Variants in LAMA1 observed in about 807,000 individuals in gnomAD.
LAMA1 encodes the protein laminin subunit alpha 1.
LAMA1 carries 219 observed loss-of-function variants against 348.7 expected under a neutral mutation model. The ratio of observed to expected loss-of-function variants is 0.63; its 90% CI spans 0.56 to 0.70. The LOEUF is 0.70. LAMA1 is among the 30% of genes least tolerant of loss of function. The pLI, the probability that LAMA1 is intolerant of heterozygous loss-of-function variation, is 0.00. For synonymous variants in LAMA1, 1,487 were observed against 1,491.0 expected (o/e 1.00, Z 0.06); for missense variants, 3,744 against 3,888.0 (o/e 0.96, Z 0.99).
intron 17 of LAMA1, among the ~76,000 whole-genome samples, chr18:7,025,151 G>C (rs1225380242): frequency 2.0e-5 from 3 of 152,138 alleles, no homozygotes; most frequent in Non-Finnish European, 4.4e-5. Context: ...TAAGCTGCTG[G>C]CCTGTGGGAT....
intron 3 of LAMA1, among the ~76,000 whole-genome samples, chr18:7,051,818 T>A (rs2058063219): frequency 6.6e-6 from 1 of 152,196 alleles, no homozygotes; most frequent in African/African-American, 2.4e-5. Context: ...TCTCATTCAT[T>A]TCTGGTGTGA....
intron 47 of LAMA1, 41 bp from the exon 48 acceptor site, chr18:6,972,022 T>C: frequency 6.2e-7 from 1 of 1,610,360 alleles, no homozygotes; most frequent in Non-Finnish European, 8.5e-7. Flanking sequence ...ATATATAAGC[T>C]GACCAAGCAA....
intron 36 of LAMA1, among the ~76,000 whole-genome samples, chr18:6,987,176 GAACACTTA>G (rs1221730386): frequency 6.6e-6 from 1 of 152,106 alleles, no homozygotes; most frequent in African/African-American, 2.4e-5. Flanking sequence ...GTGGGAATCC[GAACACTTA>G]AACTTTCTAA....
chr18:6,948,595 C>T, intron 59 of LAMA1, 39 bp from the exon 60 acceptor site: 1 of 1,613,194 alleles, frequency 6.2e-7, no homozygotes, highest in Non-Finnish European at 8.5e-7. Flanking sequence ...AGTGGTGATT[C>T]TAATGGGAAG....
chr18:7,013,634 A>G (rs1045845588), intron 23 of LAMA1, among the ~76,000 whole-genome samples, 181 bp downstream of exon 23: 23 of 152,170 alleles, frequency 1.5e-4, no homozygotes, highest in East Asian at 9.6e-4. Flanking sequence ...TAAAAATTCA[A>G]TTTCAAAAAT....
intron 56 of LAMA1, 191 bp downstream of exon 56, chr18:6,956,445 C>A (rs780013986): frequency 6.0e-6 from 5 of 838,668 alleles, no homozygotes; most frequent in Non-Finnish European, 1.0e-5. Context: ...TGGATTGGGC[C>A]GTGTCATCTG....
intron 25 of LAMA1, 125 bp downstream of exon 25, chr18:7,011,175 A>T: frequency 9.3e-7 from 1 of 1,080,316 alleles, no homozygotes; most frequent in Non-Finnish European, 1.4e-6. Flanking sequence ...CTCTGATCCC[A>T]CTTAAAAGAG....
chr18:6,954,958 CT>C, intron 57 of LAMA1: 2 of 327,790 alleles, frequency 6.1e-6, no homozygotes, highest in South Asian at 5.3e-5. Context: ...GGGTGTGGCA[CT>C]CGGGATTTTG....
In LAMA1 at chr18:6,948,413, A is replaced by G; in HGVS notation, c.8700T>C (p.Tyr2900=). The change falls in exon 60 of 63, where the codon TAT becomes TAC. Residue 2900 remains tyrosine, a synonymous_variant. Transcript: ENST00000389658. ...QEGTYFDGSG[Y]AALVKEGYKV... ...GTTGCTAACACATACCAAGAGCTGCATATCCGCTTCCGTCAAAGTATGTTC... is the reference window on the plus strand; with the variant it reads ...GTTGCTAACACATACCAAGAGCTGCGTATCCGCTTCCGTCAAAGTATGTTC... 6.2e-7 allele frequency: 1 copy of G among 1,614,236 alleles called. No individual in the cohort carries two copies. Among genetic ancestry groups the G allele is most frequent in the Non-Finnish European group, 8.5e-7 (1 of 1,180,036 alleles).
intron 3 of LAMA1, among the ~76,000 whole-genome samples, chr18:7,078,932 T>C (rs1054517675): frequency 3.3e-5 from 5 of 151,910 alleles, no homozygotes; most frequent in South Asian, 2.1e-4. Flanking sequence ...AGTTGCAGTG[T>C]GCCGAGATCG....
rs1357757380 is a variant in LAMA1, at chr18:6,966,210, T to A, written c.6987A>T (p.Ile2329=). 1 of 1,614,012 alleles carries A rather than the reference T, an allele frequency of 6.2e-7. No individual in the cohort carries two copies. The highest frequency in any genetic ancestry group is 1.1e-5 in the South Asian group (1 of 91,022). The part of the protein sequence containing the change: ...EKSLPATVTQ[I]IMLFNTFSPN... ...GTGAAAAGGTATTAAAAAGCATGAT[T>A]ATCTGGGTCACGGTAGCCGGAAGTG... Residue 2329 remains isoleucine, a synonymous_variant, in exon 49 of 63, where the codon ATA becomes ATT. Transcript: ENST00000389658.
Position 7,040,178 on chromosome 18 carries a change from G to A in LAMA1, c.1320C>T (p.Arg440=). The change falls in exon 10 of 63, where the codon CGC becomes CGT. Residue 440 remains arginine (R), a synonymous_variant. Transcript: ENST00000389658. ...KEGYTGEKCD[R]CQLGYKDYPT... ...GGTAATCCTTATAGCCAAGTTGGCA[G>A]CGATCACATTTTTCTCCTGTATAAC... is the stretch of plus-strand genomic sequence containing the variant. The A allele has an allele frequency of 6.2e-7, 1 of 1,614,120 alleles. No homozygotes were observed.
Position 6,948,397 on chromosome 18 carries a change from A to G in LAMA1, c.8710+6T>C, listed in dbSNP as rs193025347. 1 of 1,614,226 alleles carries G rather than the reference A, an allele frequency of 6.2e-7. No individual in the cohort carries two copies. Among genetic ancestry groups the G allele is most frequent in the Admixed American group, 1.7e-5 (1 of 60,028 alleles). ...GACTGCCTTCGAGAGTGTTGCTAAC[A>G]CATACCAAGAGCTGCATATCCGCTT... On this transcript the variant is annotated splice_donor_region_variant and intron_variant, in intron 60 of 62. Transcript: ENST00000389658.
At chr18:6,994,806 C>T (rs778812187) in intron 34 of LAMA1, among the ~76,000 whole-genome samples, 138 of 152,244 alleles carry the variant, frequency 9.1e-4, no homozygotes, top group South Asian at 6.2e-4. Flanking sequence ...TCCTCTGGCA[C>T]AGGCTAAACA....
At position 6,985,271 on chromosome 18, in the gene LAMA1, C is replaced by G. The variant is rs11664063; in HGVS notation, c.5626G>C (p.Ala1876Pro). Residue 1876 changes from alanine to proline, a missense_variant, in exon 39 of 63, where the codon GCT becomes CCT. This residue lies in a region of LAMA1 where 1,983 missense variants were observed against 1,934.3 expected (regional missense o/e 1.03). Coordinates refer to ENST00000389658, the MANE Select transcript of LAMA1 (RefSeq NM_005559.4). Reference sequence around the variant, plus strand: ...ACATCTGCTAGTCTCTGGAACTCAGCGGCATGGTCCTCAGCTCTGTAGACC... The same window carrying G: ...ACATCTGCTAGTCTCTGGAACTCAGGGGCATGGTCCTCAGCTCTGTAGACC... ...DLVYRAEDHAAEFQRLADVLY... is the reference protein window; with the variant it reads ...DLVYRAEDHAPEFQRLADVLY... The G allele has an allele frequency of 4.3e-6, 7 of 1,613,946 alleles. No homozygotes were observed. The highest frequency in any genetic ancestry group is 3.3e-5 in the Admixed American group (2 of 60,002).
intron 4 of LAMA1, among the ~76,000 whole-genome samples, chr18:7,049,649 C>T (rs1325307784): frequency 6.6e-6 from 1 of 152,174 alleles, no homozygotes; most frequent in African/African-American, 2.4e-5. Context: ...TGTCTAATGT[C>T]AGGACAGAAT....
At chr18:7,104,930 C>T (rs1206549218) in intron 1 of LAMA1, among the ~76,000 whole-genome samples, 2 of 152,144 alleles carry the variant, frequency 1.3e-5, no homozygotes, top group African/African-American at 4.8e-5. Context: ...TCCCCAAGTG[C>T]CTGTAGCAGG....
intron 61 of LAMA1, among the ~76,000 whole-genome samples, chr18:6,944,631 T>C (rs894789579): frequency 6.6e-6 from 1 of 152,178 alleles, no homozygotes; most frequent in Non-Finnish European, 1.5e-5. Flanking sequence ...GGGAAGACCA[T>C]GTGAGAACAC....
chr18:7,032,453 A>G (rs1236569437), intron 15 of LAMA1, among the ~76,000 whole-genome samples: 1 of 152,176 alleles, frequency 6.6e-6, no homozygotes, highest in Non-Finnish European at 1.5e-5. Flanking sequence ...CTTACGGCCT[A>G]TTCTTGTTAT....
Sources: allele counts gnomAD v4.1 joint callset (sites outside exome capture counted in the v4.1 genomes callset), GRCh38; gene constraint gnomAD v4.1.1; regional missense constraint gnomAD v4.1.1; transcripts MANE v1.5; gene names NCBI Gene and HGNC (gene_info 2026-07-23, HGNC 2026-07-21).